Variants in IGF1R observed in about 807,000 individuals in gnomAD.
IGF1R encodes the protein insulin like growth factor 1 receptor, also known as insulin-like growth factor 1 receptor.
IGF1R carries 44 observed loss-of-function variants against 144.6 expected under a neutral mutation model. The ratio of observed to expected loss-of-function variants is 0.30; its 90% CI spans 0.24 to 0.39. The LOEUF (loss-of-function observed/expected upper bound fraction) is 0.39. Among genes scored for constraint, IGF1R ranks in the 10% least tolerant of loss-of-function variants. The probability of loss-of-function intolerance (pLI) is 1.00; values close to 1 mark genes in which losing one functional copy is unlikely to be tolerated. For synonymous variants in IGF1R, 795 were observed against 722.8 expected (o/e 1.10, Z -1.60); for missense variants, 1,355 against 1,833.7 (o/e 0.74, Z 4.77).
At chr15:98,855,258 G>GT (rs1328053297) in intron 2 of IGF1R, among the ~76,000 whole-genome samples, 1 of 152,190 alleles carries the variant, frequency 6.6e-6, no homozygotes, top group African/African-American at 2.4e-5. Flanking sequence ...GCAGGCCTGT[G>GT]TGTCTGACTC....
Position 98,957,777 on chromosome 15 carries a change from C to T in IGF1R, c.*335C>T, listed in dbSNP as rs1421082842. On this transcript the variant is annotated 3_prime_UTR_variant, in exon 21 of 21. Transcript: ENST00000650285. ...CCTTCCCTGTTCTCCCTTTCTCTCT[C>T]CTCTCTGCTTCATAACGGAAAAATA... The T allele has an allele frequency of 3.3e-5, 13 of 390,112 alleles. No individual in the cohort carries two copies. Among genetic ancestry groups the T allele is most frequent in the South Asian group, 1.7e-4 (4 of 23,980 alleles). 24.2% of individuals were successfully genotyped at this position (390,112 alleles called of 1,614,324 possible).
At chr15:98,653,510 C>T (rs1567058801) in intron 1 of IGF1R, among the ~76,000 whole-genome samples, 1 of 151,990 alleles carries the variant, frequency 6.6e-6, no homozygotes, top group Non-Finnish European at 1.5e-5. Flanking sequence ...TTACATAGTT[C>T]CAGGGTCTGA....
chr15:98,848,781 A>T (rs2011433042), intron 2 of IGF1R, among the ~76,000 whole-genome samples: 2 of 152,242 alleles, frequency 1.3e-5, no homozygotes, highest in South Asian at 4.1e-4. Context: ...CTTCTGCCAG[A>T]AATAACATAC....
At chr15:98,867,154 G>GGA (rs60863950) in intron 2 of IGF1R, among the ~76,000 whole-genome samples, 2,865 of 146,168 alleles carry the variant, frequency 0.02, 32 homozygotes, top group South Asian at 0.071. Context: ...AGAGAAAGGG[G>GGA]GAGAGAGAGA....
chr15:98,881,623 G>A (rs1449415077), intron 2 of IGF1R, among the ~76,000 whole-genome samples: 1 of 152,114 alleles, frequency 6.6e-6, no homozygotes, highest in African/African-American at 2.4e-5. Context: ...GTGCCTGGCC[G>A]GCCCTTCCTT....
chr15:98,826,994 C>G (rs2056905895), intron 2 of IGF1R, among the ~76,000 whole-genome samples: 1 of 152,166 alleles, frequency 6.6e-6, no homozygotes, highest in African/African-American at 2.4e-5. Flanking sequence ...TAAACACTCT[C>G]CTTAGAAGCA....
At chr15:98,738,246 G>A (rs946897666) in intron 2 of IGF1R, among the ~76,000 whole-genome samples, 3 of 152,290 alleles carry the variant, frequency 2.0e-5, no homozygotes, top group Non-Finnish European at 2.9e-5. Flanking sequence ...AGTTTGCCCC[G>A]GCTGAACTCA....
intron 6 of IGF1R, 31 bp downstream of exon 6, chr15:98,908,930 C>T: frequency 6.3e-7 from 1 of 1,587,504 alleles, no homozygotes; most frequent in South Asian, 1.1e-5. Flanking sequence ...CACCGTGGGC[C>T]CAACCATCAT....
At chr15:98,895,808 T>C (rs972631415) in intron 3 of IGF1R, among the ~76,000 whole-genome samples, 2 of 152,236 alleles carry the variant, frequency 1.3e-5, no homozygotes, top group African/African-American at 4.8e-5. Context: ...AGAGATGATT[T>C]AAGAACAATA....
intron 5 of IGF1R, among the ~76,000 whole-genome samples, chr15:98,905,421 C>A (rs1016331356): frequency 6.6e-6 from 1 of 151,904 alleles, no homozygotes; most frequent in African/African-American, 2.4e-5. Context: ...CTTTGGAAGA[C>A]CATGGCAAGG....
chr15:98,655,681 G>C (rs1015133216), intron 1 of IGF1R, among the ~76,000 whole-genome samples: 4 of 150,940 alleles, frequency 2.7e-5, no homozygotes, highest in African/African-American at 7.3e-5. Context: ...TAGTAAGCAA[G>C]CTTAAAATTT....
At chr15:98,788,062 C>CTGTGTGTGTGTGTGTG (rs59500414) in intron 2 of IGF1R, among the ~76,000 whole-genome samples, 40 of 131,098 alleles carry the variant, frequency 3.1e-4, no homozygotes, top group African/African-American at 1.2e-3. Flanking sequence ...CTCTCTCTCT[C>CTGTGTGTGTGTGTGTG]TGTGTGTGTG....
chr15:98,781,771 C>T (rs778781912), intron 2 of IGF1R, among the ~76,000 whole-genome samples: 4 of 152,036 alleles, frequency 2.6e-5, no homozygotes, highest in African/African-American at 7.3e-5. Flanking sequence ...ATTACTGTGC[C>T]GGGGTACTGG....
chr15:98,691,732 C>T (rs1312742238), intron 1 of IGF1R, among the ~76,000 whole-genome samples: 1 of 152,114 alleles, frequency 6.6e-6, no homozygotes, highest in Non-Finnish European at 1.5e-5. Context: ...GAAATGCCCT[C>T]CCTTCAGTGA....
At chr15:98,668,773 A>G (rs572280158) in intron 1 of IGF1R, among the ~76,000 whole-genome samples, 6 of 150,576 alleles carry the variant, frequency 4.0e-5, no homozygotes, top group South Asian at 4.3e-4. Context: ...AGATGTGTGG[A>G]ATTCTATTAA....
intron 3 of IGF1R, among the ~76,000 whole-genome samples, chr15:98,894,685 C>T (rs528240357): frequency 6.6e-6 from 1 of 152,198 alleles, no homozygotes. Context: ...GGGTGGATCA[C>T]CTGAGGTCAA....
chr15:98,758,124 G>A (rs369339241), intron 2 of IGF1R, among the ~76,000 whole-genome samples: 14 of 151,774 alleles, frequency 9.2e-5, no homozygotes, highest in African/African-American at 3.1e-4. Flanking sequence ...GCTCTTGGGC[G>A]CTCGCATTTC....
intron 1 of IGF1R, among the ~76,000 whole-genome samples, chr15:98,691,498 G>A (rs1442872265): frequency 6.6e-6 from 1 of 151,796 alleles, no homozygotes; most frequent in Admixed American, 6.6e-5. Flanking sequence ...CGAGTAGCTG[G>A]GATTACAGGT....
chr15:98,866,043 G>A (rs2012424696), intron 2 of IGF1R, among the ~76,000 whole-genome samples: 1 of 152,216 alleles, frequency 6.6e-6, no homozygotes, highest in Non-Finnish European at 1.5e-5. Flanking sequence ...TATGCACGGG[G>A]CGCAGTTTAA....
Sources: gnomAD v4.1 joint callset for allele counts (sites outside exome capture counted in the v4.1 genomes callset) on GRCh38, gnomAD v4.1.1 for gene constraint, MANE v1.5 for transcripts, NCBI Gene and HGNC (gene_info 2026-07-23, HGNC 2026-07-21) for gene names.